Variants in MMP16 observed in about 807,000 individuals in gnomAD.
The protein encoded by MMP16 is matrix metallopeptidase 16.
In MMP16, 12 loss-of-function variants were observed where a neutral mutation model predicts 67.8. That is an observed-to-expected ratio of 0.18 (90% CI 0.11 to 0.29). The LOEUF (loss-of-function observed/expected upper bound fraction) is 0.29. Among genes scored for constraint, MMP16 ranks in the 10% least tolerant of loss-of-function variants. MMP16 has a pLI of 1.00. For synonymous variants in MMP16, 249 were observed against 255.9 expected, an observed-to-expected ratio of 0.97 and a Z score of 0.26; for missense variants, 475 against 765.7, an observed-to-expected ratio of 0.62 and a Z score of 4.48.
At chr8:88,154,638 A>G (rs1342222628) in intron 4 of MMP16, among the ~76,000 whole-genome samples, 3 of 149,996 alleles carry the variant, frequency 2.0e-5, no homozygotes, top group Non-Finnish European at 4.4e-5. Context: ...AACACCGCAT[A>G]TTCTCACTCA....
chr8:88,304,655 A>G (rs1335639068), intron 1 of MMP16, among the ~76,000 whole-genome samples: 1 of 152,234 alleles, frequency 6.6e-6, no homozygotes, highest in Non-Finnish European at 1.5e-5. Context: ...ACATTCTTAA[A>G]GAAAAGAATT....
chr8:88,173,676 T>G (rs1808841147), intron 3 of MMP16, among the ~76,000 whole-genome samples: 1 of 152,222 alleles, frequency 6.6e-6, no homozygotes, highest in Non-Finnish European at 1.5e-5. Context: ...TGCTGTAATA[T>G]TCTATCCAAA....
chr8:88,300,878 G>T (rs1811087511), intron 1 of MMP16, among the ~76,000 whole-genome samples: 1 of 151,970 alleles, frequency 6.6e-6, no homozygotes, highest in Admixed American at 6.6e-5. Context: ...CTAATGAAAT[G>T]GCATCAGTCA....
At chr8:88,224,883 C>T (rs1478921521) in intron 1 of MMP16, among the ~76,000 whole-genome samples, 5 of 151,918 alleles carry the variant, frequency 3.3e-5, no homozygotes, top group Admixed American at 3.3e-4. Flanking sequence ...TATTTGACCA[C>T]ACAACCTTTA....
chr8:88,156,931 C>T (rs1384688976), intron 4 of MMP16, among the ~76,000 whole-genome samples: 1 of 151,960 alleles, frequency 6.6e-6, no homozygotes, highest in East Asian at 1.9e-4. Context: ...AGCAACTTAC[C>T]AAGAGATTCA....
chr8:88,072,420 A>C (rs1808574717), intron 7 of MMP16, among the ~76,000 whole-genome samples: 1 of 152,134 alleles, frequency 6.6e-6, no homozygotes, highest in African/African-American at 2.4e-5. Flanking sequence ...GCTACAGGTC[A>C]TAGCTGGGCT....
intron 1 of MMP16, among the ~76,000 whole-genome samples, chr8:88,248,790 TAAAA>T (rs11356043): frequency 1.4e-5 from 2 of 140,030 alleles, no homozygotes; most frequent in Non-Finnish European, 3.1e-5. Context: ...TTGGACATAG[TAAAA>T]AAAAAAAAAA....
At chr8:88,280,609 A>G (rs1380127114) in intron 1 of MMP16, among the ~76,000 whole-genome samples, 1 of 152,192 alleles carries the variant, frequency 6.6e-6, no homozygotes, top group African/African-American at 2.4e-5. Flanking sequence ...TTTTTAAAAA[A>G]TATCTGCCCA....
intron 3 of MMP16, among the ~76,000 whole-genome samples, chr8:88,177,401 G>A (rs1178005507): frequency 6.6e-6 from 1 of 152,082 alleles, no homozygotes; most frequent in African/African-American, 2.4e-5. Context: ...GTGGAGAGAG[G>A]GGCAAATACA....
chr8:88,166,382 A>G (rs1808710417), intron 4 of MMP16, among the ~76,000 whole-genome samples: 1 of 152,000 alleles, frequency 6.6e-6, no homozygotes, highest in Non-Finnish European at 1.5e-5. Flanking sequence ...CTATAACTGC[A>G]AATTTTTTAA....
At chr8:88,289,813 A>C (rs533282502) in intron 1 of MMP16, among the ~76,000 whole-genome samples, 1 of 152,022 alleles carries the variant, frequency 6.6e-6, no homozygotes, top group Non-Finnish European at 1.5e-5. Flanking sequence ...AAAGGAAAAA[A>C]AAATTCACAA....
At chr8:88,046,909 C>T (rs1808206194) in intron 8 of MMP16, 125 bp from the exon 9 acceptor site, 1 of 520,448 alleles carries the variant, frequency 1.9e-6, no homozygotes, top group Non-Finnish European at 3.3e-6. Flanking sequence ...GTTACCTGTG[C>T]ACCTGTTAAT....
At chr8:88,063,499 CAGA>C (rs1808427151) in intron 7 of MMP16, among the ~76,000 whole-genome samples, 1 of 94,994 alleles carries the variant, frequency 1.1e-5, no homozygotes, top group African/African-American at 4.3e-5. Flanking sequence ...TTTTTTTTTT[CAGA>C]AGGACAATGC....
At chr8:88,144,267 C>A (rs1808257110) in intron 4 of MMP16, among the ~76,000 whole-genome samples, 1 of 151,852 alleles carries the variant, frequency 6.6e-6, no homozygotes, top group Non-Finnish European at 1.5e-5. Context: ...TTCTATCCAA[C>A]AGACATTTAA....
chr8:88,218,528 T>C (rs1809629280), intron 1 of MMP16, among the ~76,000 whole-genome samples: 1 of 152,066 alleles, frequency 6.6e-6, no homozygotes, highest in South Asian at 2.1e-4. Context: ...GTGATAGATA[T>C]GTTAAATAAC....
At chr8:88,224,359 A>C (rs1809733789) in intron 1 of MMP16, among the ~76,000 whole-genome samples, 1 of 152,056 alleles carries the variant, frequency 6.6e-6, no homozygotes, top group African/African-American at 2.4e-5. Context: ...CAGGACATTA[A>C]TAGGTACATA....
rs140515311 is a variant in MMP16, at chr8:88,313,182, G to C, written c.132+13893C>G. ...TGGATGTATCAGAGTTTTGTGTACT[G>C]ATGTTGTTGGACATCTGTGCTGTCT... is the stretch of plus-strand genomic sequence containing the variant. On this transcript the variant is annotated intron_variant, in intron 1 of 9. Transcript: ENST00000286614. 5.4e-3 allele frequency among the ~76,000 whole-genome samples: 825 copies of C among 152,252 alleles called. 9 individuals carry two copies. The highest frequency in any genetic ancestry group is 0.019 in the African/African-American group (782 of 41,538).
intron 1 of MMP16, among the ~76,000 whole-genome samples, chr8:88,257,958 T>TA (rs1410157796): frequency 6.6e-6 from 1 of 152,050 alleles, no homozygotes; most frequent in East Asian, 1.9e-4. Flanking sequence ...AAGGGTAGGC[T>TA]AATGGTAAGG....
chr8:88,296,239 A>T (rs1811011736), intron 1 of MMP16, among the ~76,000 whole-genome samples: 1 of 152,190 alleles, frequency 6.6e-6, no homozygotes, highest in Non-Finnish European at 1.5e-5. Flanking sequence ...AACAATTCTG[A>T]ATAATATCTG....
Sources: gnomAD v4.1 joint callset for allele counts (sites outside exome capture counted in the v4.1 genomes callset) on GRCh38, gnomAD v4.1.1 for gene constraint, MANE v1.5 for transcripts, NCBI Gene and HGNC (gene_info 2026-07-23, HGNC 2026-07-21) for gene names.